The following SLC2A14 variants were observed in gnomAD, a reference collection of about 807,000 sequenced individuals.
SLC2A14 encodes solute carrier family 2, facilitated glucose transporter member 14.
In SLC2A14, 13 loss-of-function variants were observed where a neutral mutation model predicts 43.0. The observed-to-expected ratio is 0.30, with a 90% CI of 0.20 to 0.48. The LOEUF (loss-of-function observed/expected upper bound fraction) is 0.48. Among genes scored for constraint, SLC2A14 ranks in the 20% least tolerant of loss-of-function variants. The probability of loss-of-function intolerance (pLI) is 0.99; values close to 1 mark genes in which losing one functional copy is unlikely to be tolerated. For missense variants in SLC2A14, 428 were observed against 620.4 expected (o/e 0.69, Z 3.29); for synonymous variants, 190 against 233.8 (o/e 0.81, Z 1.71).
At chr12:7,826,549 C>G (rs1343551467) in intron 7 of SLC2A14, among the ~76,000 whole-genome samples, 1 of 152,028 alleles carries the variant, frequency 6.6e-6, no homozygotes, top group African/African-American at 2.4e-5. Flanking sequence ...AATGGAAAAC[C>G]CTCAGGGGAT....
intron 2 of SLC2A14, chr12:7,863,287 C>A: frequency 2.3e-6 from 1 of 427,232 alleles, no homozygotes; most frequent in Non-Finnish European, 4.7e-6. Context: ...ACGAACCCAC[C>A]AGAAGGAAAA....
intron 1 of SLC2A14, chr12:7,890,656 T>C (rs986485502): frequency 1.8e-5 from 3 of 164,486 alleles, no homozygotes; most frequent in African/African-American, 7.2e-5. Context: ...GCAAAGAACA[T>C]AGTAAGTTGG....
intron 2 of SLC2A14, chr12:7,839,953 A>G (rs1237997215): frequency 5.9e-6 from 2 of 340,926 alleles, no homozygotes; most frequent in South Asian, 4.0e-5. Context: ...AAAAAAAAAA[A>G]TACAAAAAAT....
At position 7,817,681 on chromosome 12, in the gene SLC2A14, C is replaced by T. The variant is rs186102140; in HGVS notation, c.1275+150G>A. On this transcript the variant is annotated intron_variant, in intron 10 of 10. Coordinates refer to ENST00000431042, the MANE Select transcript of SLC2A14 (RefSeq NM_001286234.2). ...ACTCAGGAGGCTGAGGCAGAAGAAT[C>T]GCTTGTCAGTGAGCTGAGATCGGGC... 117 of 942,152 alleles carry T rather than the reference C, an allele frequency of 1.2e-4. No individual in the cohort carries two copies. In the African/African-American group the frequency reaches 1.3e-3, roughly 11 times the overall value. 58.4% of individuals were successfully genotyped at this position (942,152 alleles called of 1,614,324 possible). A position where few individuals can be genotyped will look rare whatever the true frequency, so the allele number is the denominator to read the frequency against.
At chr12:7,839,839 CA>C in intron 2 of SLC2A14, 1 of 439,998 alleles carries the variant, frequency 2.3e-6, no homozygotes, top group African/African-American at 2.2e-5. Flanking sequence ...TTTTGGAGGT[CA>C]AGGCGGGAGG....
chr12:7,864,848 A>G (rs1944821968), intron 2 of SLC2A14, among the ~76,000 whole-genome samples: 6 of 151,958 alleles, frequency 3.9e-5, no homozygotes, highest in Admixed American at 3.9e-4. Context: ...GGGTATTTTC[A>G]TATGCCTTTC....
chr12:7,874,251 C>T (rs1945369051), upstream of SLC2A14, among the ~76,000 whole-genome samples: 1 of 152,126 alleles, frequency 6.6e-6, no homozygotes, highest in Non-Finnish European at 1.5e-5. Context: ...TTTATTAGAA[C>T]ATATGGCTAC....
chr12:7,884,812 C>G (rs1223709108), intron 1 of SLC2A14, among the ~76,000 whole-genome samples: 1 of 152,146 alleles, frequency 6.6e-6, no homozygotes, highest in Non-Finnish European at 1.5e-5. Flanking sequence ...TGTTTCTCCT[C>G]TCCCTGCGGG....
intron 2 of SLC2A14, among the ~76,000 whole-genome samples, chr12:7,868,622 T>G (rs1161082314): frequency 1.1e-4 from 16 of 152,164 alleles, no homozygotes; most frequent in Admixed American, 9.8e-4. Context: ...AGTGAATAAA[T>G]GAGTCATGAA....
chr12:7,842,722 C>CTT (rs59107341), intron 2 of SLC2A14, among the ~76,000 whole-genome samples: 12 of 139,582 alleles, frequency 8.6e-5, no homozygotes, highest in Non-Finnish European at 9.4e-5. Flanking sequence ...TTCTTTTTCT[C>CTT]TTTTTTTTTT....
Position 7,829,830 on chromosome 12 carries a change from G to A in SLC2A14, c.449C>T (p.Ala150Val), listed in dbSNP as rs764638053. Residue 150 changes from alanine to valine, a missense_variant, in exon 5 of 11, where the codon GCC becomes GTC. Coordinates refer to ENST00000431042, the MANE Select transcript of SLC2A14 (RefSeq NM_001286234.2). ...GAGAGTGCCAAAGGCACCCCTCAGGGCAGTAGGCGAGATCTCTCCAATGTA... is the reference window on the plus strand; with the variant it reads ...GAGAGTGCCAAAGGCACCCCTCAGGACAGTAGGCGAGATCTCTCCAATGTA... ...PMYIGEISPT[A>V]LRGAFGTLNQ... 5 of 1,614,066 alleles carry A rather than the reference G, an allele frequency of 3.1e-6. No individual in the cohort carries two copies. The African/African-American group carries it at 5.3e-5, about 17-fold the overall frequency.
At chr12:7,872,119 C>T (rs1945267283) in intron 1 of SLC2A14, 1 of 157,552 alleles carries the variant, frequency 6.3e-6, no homozygotes, top group Non-Finnish European at 1.4e-5. Flanking sequence ...ACCAAGGACA[C>T]TTGGCCTTAC....
chr12:7,827,468 C>A (rs376695272), intron 7 of SLC2A14, 27 bp downstream of exon 7: 1 of 1,607,702 alleles, frequency 6.2e-7, no homozygotes, highest in Non-Finnish European at 8.5e-7. Context: ...TTGTAAGACA[C>A]GTTTGACCCT....
intron 1 of SLC2A14, among the ~76,000 whole-genome samples, chr12:7,879,482 G>C (rs1303265471): frequency 6.6e-6 from 1 of 151,976 alleles, no homozygotes; most frequent in Non-Finnish European, 1.5e-5. Flanking sequence ...AGGAGTTCAA[G>C]GCCAGCCTGC....
chr12:7,862,694 T>C (rs1944648824), intron 2 of SLC2A14, among the ~76,000 whole-genome samples: 1 of 152,130 alleles, frequency 6.6e-6, no homozygotes, highest in South Asian at 2.1e-4. Context: ...AGCTCAGGGA[T>C]TGTAAATACA....
At position 7,838,355 on chromosome 12, in the gene SLC2A14, G is replaced by A. The variant is rs573170437; in HGVS notation, c.19-5541C>T. ...CCTGCCTCGGCCTCCCAAAGTGCTG[G>A]GATTACAGGTGTGAGCCAACGTGCC... On this transcript the variant is annotated intron_variant, in intron 2 of 10. Transcript: ENST00000431042. 4.4e-3 allele frequency among the ~76,000 whole-genome samples: 662 copies of A among 152,132 alleles called. 1 individual carries two copies. Among genetic ancestry groups the A allele is most frequent in the Non-Finnish European group, 7.1e-3 (480 of 67,996 alleles).
In SLC2A14 at chr12:7,813,388, C is replaced by A. The variant is rs1470147016; in HGVS notation, c.*928G>T. On this transcript the variant is annotated 3_prime_UTR_variant, in exon 11 of 11. Transcript: ENST00000431042. ...TATTTCGTCCAGTGAGGGGAACAGG[C>A]TTTCTAGAAATCACTTTCTCTTCCC... is the stretch of plus-strand genomic sequence containing the variant. 6.6e-6 allele frequency: 1 copy of A among 152,144 alleles called. No homozygotes were observed. Among genetic ancestry groups the A allele is most frequent in the African/African-American group, 2.4e-5 (1 of 41,438 alleles). The allele number at this position is 152,144 out of a possible 1,614,324, so 9.4% of individuals were successfully genotyped here.
intron 10 of SLC2A14, among the ~76,000 whole-genome samples, chr12:7,815,256 C>CAA (rs889960960): frequency 1.4e-5 from 2 of 143,540 alleles, no homozygotes; most frequent in Admixed American, 1.4e-4. Context: ...ACTAAAAATA[C>CAA]AAAAAAAAAA....
At chr12:7,824,434 T>A (rs1279988014) in intron 7 of SLC2A14, among the ~76,000 whole-genome samples, 1 of 151,938 alleles carries the variant, frequency 6.6e-6, no homozygotes, top group Admixed American at 6.6e-5. Context: ...CATGTACACA[T>A]CTCAATAAAA....
Sources: allele counts gnomAD v4.1 joint callset (sites outside exome capture counted in the v4.1 genomes callset), GRCh38; gene constraint gnomAD v4.1.1; transcripts MANE v1.5; gene names NCBI Gene and HGNC (gene_info 2026-07-23, HGNC 2026-07-21).